Variants in SRGAP2 observed in about 807,000 individuals in gnomAD.
The protein encoded by SRGAP2 is SLIT-ROBO Rho GTPase-activating protein 2.
Under a neutral mutation model 57.2 loss-of-function variants are expected in SRGAP2, and 15 were observed. The observed-to-expected ratio is 0.26, with a 90% CI of 0.18 to 0.40. The LOEUF (loss-of-function observed/expected upper bound fraction) is 0.40, where lower values mean the gene tolerates loss of function less well. Among genes scored for constraint, SRGAP2 ranks in the 10% least tolerant of loss-of-function variants. The probability of loss-of-function intolerance (pLI) is 1.00; values close to 1 mark genes in which losing one functional copy is unlikely to be tolerated. For missense variants in SRGAP2, 520 were observed against 669.6 expected, an observed-to-expected ratio of 0.78 and a Z score of 2.47; for synonymous variants, 249 against 248.0, an observed-to-expected ratio of 1.00 and a Z score of -0.04.
intron 11 of SRGAP2, among the ~76,000 whole-genome samples, chr1:206,416,771 C>A (rs188385008): frequency 2.8e-4 from 43 of 152,256 alleles, no homozygotes; most frequent in South Asian, 1.9e-3. Context: ...GCCGCCCCCC[C>A]CTCCCTGCCC....
intron 17 of SRGAP2, among the ~76,000 whole-genome samples, chr1:206,443,706 A>C (rs1213151427): frequency 6.6e-6 from 1 of 152,206 alleles, no homozygotes; most frequent in Non-Finnish European, 1.5e-5. Flanking sequence ...TTTAAAAATA[A>C]AAATCCAGTT....
intron 2 of SRGAP2, among the ~76,000 whole-genome samples, chr1:206,234,669 G>C (rs1287562615): frequency 1.3e-5 from 2 of 152,184 alleles, no homozygotes; most frequent in African/African-American, 4.8e-5. Context: ...AGCAGGAACA[G>C]AGACTTAGTT....
intron 4 of SRGAP2, among the ~76,000 whole-genome samples, chr1:206,375,911 T>C (rs1245694351): frequency 5.9e-5 from 9 of 151,316 alleles, no homozygotes; most frequent in Non-Finnish European, 1.3e-4. Context: ...CCAGAGCTTC[T>C]GGAAAAGCCG....
intron 14 of SRGAP2, among the ~76,000 whole-genome samples, chr1:206,434,190 A>G (rs1553369238): frequency 6.6e-6 from 1 of 152,208 alleles, no homozygotes; most frequent in African/African-American, 2.4e-5. Flanking sequence ...TATAGTCCCC[A>G]TTATATAGAT....
intron 4 of SRGAP2, among the ~76,000 whole-genome samples, chr1:206,347,095 A>C (rs1325131035): frequency 6.8e-6 from 1 of 146,562 alleles, no homozygotes. Context: ...CCCCCACTTA[A>C]AAAAAATTAG....
At chr1:206,386,234 A>G (rs1656236150) in intron 5 of SRGAP2, among the ~76,000 whole-genome samples, 1 of 152,188 alleles carries the variant, frequency 6.6e-6, no homozygotes, top group South Asian at 2.1e-4. Context: ...CAATGTCAAT[A>G]CAGAGACATT....
At chr1:206,325,534 A>G (rs1309505478) in intron 3 of SRGAP2, among the ~76,000 whole-genome samples, 1 of 151,498 alleles carries the variant, frequency 6.6e-6, no homozygotes, top group Admixed American at 6.6e-5. Context: ...TGGTAGAGAC[A>G]AGGTTTTACT....
At chr1:206,396,237 G>A (rs1212993713) in intron 7 of SRGAP2, among the ~76,000 whole-genome samples, 2 of 149,948 alleles carry the variant, frequency 1.3e-5, no homozygotes, top group Non-Finnish European at 3.0e-5. Flanking sequence ...GCCTGCCTCA[G>A]CCTCGTTTCT....
chr1:206,464,227 C>T lies in SRGAP2; in HGVS notation c.*2807C>T, dbSNP rs1553382093. The stretch of plus-strand genomic sequence containing the variant: ...TACTTCCCATGCAGAAGAGAAGTCA[C>T]ATCTTCCAGGGAATCGCAATGTTGT... On this transcript the variant is annotated 3_prime_UTR_variant, in exon 23 of 23. Transcript: ENST00000573034. 1 of 152,640 alleles carries T rather than the reference C, an allele frequency of 6.6e-6. No individual in the cohort carries two copies. The highest frequency in any genetic ancestry group is 2.4e-5 in the African/African-American group (1 of 41,446). The allele number at this position is 152,640 out of a possible 1,614,324, so 9.5% of individuals were successfully genotyped here.
intron 2 of SRGAP2, among the ~76,000 whole-genome samples, chr1:206,272,650 C>T (rs1373402663): frequency 1.3e-5 from 2 of 152,056 alleles, no homozygotes; most frequent in South Asian, 2.1e-4. Flanking sequence ...GAGCTCAGCT[C>T]CTCCACTCAC....
At chr1:206,238,734 G>A (rs1668030596) in intron 2 of SRGAP2, among the ~76,000 whole-genome samples, 1 of 151,934 alleles carries the variant, frequency 6.6e-6, no homozygotes, top group African/African-American at 2.4e-5. Flanking sequence ...CTGGGCATTG[G>A]GCAGAGTGTT....
At position 206,225,410 on chromosome 1, in the gene SRGAP2, A is replaced by G. The variant is rs199960359; in HGVS notation, c.67+19373A>G. Among the ~76,000 whole-genome samples the G allele has an allele frequency of 2.9e-4, 44 of 151,090 alleles. 1 individual carries two copies. In the East Asian group the frequency reaches 8.3e-3, roughly 29 times the overall value. On this transcript the variant is annotated intron_variant, in intron 2 of 22. Transcript: ENST00000573034. ...GTGAAGTAAGACTCAGGAATGCCTGAGGTTTTTAGTTTGGGAGACAGGGAG... is the reference window on the plus strand; with the variant it reads ...GTGAAGTAAGACTCAGGAATGCCTGGGGTTTTTAGTTTGGGAGACAGGGAG...
chr1:206,370,336 T>A lies in SRGAP2; in HGVS notation c.424-13678T>A, dbSNP rs563778435. Among the ~76,000 whole-genome samples the A allele has an allele frequency of 1.7e-4, 26 of 152,312 alleles. No individual in the cohort carries two copies. The South Asian group carries it at 5.4e-3, about 32-fold the overall frequency. On this transcript the variant is annotated intron_variant, in intron 4 of 22. Transcript: ENST00000573034. ...CAACCCAAATGTTAATGAAGTGATT[T>A]ATGGAACAAACTTAAAGTATGGCAT... is the stretch of plus-strand genomic sequence containing the variant.
In SRGAP2 at chr1:206,454,354, G is replaced by A; in HGVS notation, c.2361-524G>A. ...TTTCTTTGTCATCAGTAGCCAGAGG[G>A]GCCAGGAGAGCAGTGGAGAGACCTG... On this transcript the variant is annotated intron_variant, in intron 20 of 22. Transcript: ENST00000573034. This position sits in a 1 kb window ranked among gnomAD's most constrained non-coding sequence, Gnocchi z 4.3. The A allele has an allele frequency of 1.6e-6, 1 of 619,044 alleles. No individual in the cohort carries two copies. Among genetic ancestry groups the A allele is most frequent in the African/African-American group, 1.8e-5 (1 of 54,648 alleles). The allele number at this position is 619,044 out of a possible 1,614,324, so 38.3% of individuals were successfully genotyped here.
intron 17 of SRGAP2, among the ~76,000 whole-genome samples, chr1:206,443,005 T>G (rs1171710380): frequency 6.6e-6 from 1 of 152,192 alleles, no homozygotes; most frequent in Non-Finnish European, 1.5e-5. Flanking sequence ...TCAGTTTCTG[T>G]GGGTCTGGAA....
At chr1:206,236,786 T>C (rs1300412552) in intron 2 of SRGAP2, among the ~76,000 whole-genome samples, 1 of 97,112 alleles carries the variant, frequency 1.0e-5, no homozygotes. Context: ...AAACACCTTC[T>C]TATCTGGGGC....
In SRGAP2 at chr1:206,458,871, T is replaced by A. The variant is rs1664047042; in HGVS notation, c.2756T>A (p.Ile919Asn). 1 of 780,486 alleles carries A rather than the reference T, an allele frequency of 1.3e-6. No individual in the cohort carries two copies. The highest frequency in any genetic ancestry group is 2.4e-6 in the Non-Finnish European group (1 of 417,842). 48.3% of individuals were successfully genotyped at this position (780,486 alleles called of 1,614,324 possible). Residue 919 changes from isoleucine (I) to asparagine (N), a missense_variant, in exon 22 of 23, where the codon ATC becomes AAC. Physicochemically the swap from Ile to Asn is moderately radical, Grantham distance 149. This residue lies in a region of SRGAP2 where 478 missense variants were observed against 373.6 expected (regional missense o/e 1.28). Coordinates refer to ENST00000573034, the MANE Select transcript of SRGAP2 (RefSeq NM_015326.5). ...AAGAATCGGCTGGATAGTCCACAGATCCGGAAGACTGCCACAGCGGGAAGG... is the reference window on the plus strand; with the variant it reads ...AAGAATCGGCTGGATAGTCCACAGAACCGGAAGACTGCCACAGCGGGAAGG... The part of the protein sequence containing the change: ...SLKNRLDSPQ[I>N]RKTATAGRSK...
chr1:206,442,733 A>G (rs1377601157), intron 17 of SRGAP2, among the ~76,000 whole-genome samples: 6 of 152,232 alleles, frequency 3.9e-5, no homozygotes, highest in African/African-American at 1.4e-4. Context: ...TGTTTTCTAA[A>G]ATAATAAATA....
At chr1:206,375,364 G>A (rs1389526628) in intron 4 of SRGAP2, among the ~76,000 whole-genome samples, 1 of 151,624 alleles carries the variant, frequency 6.6e-6, no homozygotes, top group Non-Finnish European at 1.5e-5. Flanking sequence ...GGGAAATGGG[G>A]TGATCACTCA....
Sources: gnomAD v4.1 joint callset for allele counts (sites outside exome capture counted in the v4.1 genomes callset) on GRCh38, gnomAD v4.1.1 for gene constraint, gnomAD v4.1.1 regional missense constraint, Gnocchi (gnomAD v3.1) non-coding constraint, MANE v1.5 for transcripts, NCBI Gene and HGNC (gene_info 2026-07-23, HGNC 2026-07-21) for gene names.